DPYD: variants seen among roughly 807,000 people sequenced by gnomAD.
The protein encoded by DPYD is dihydropyrimidine dehydrogenase.
In DPYD, 109 loss-of-function variants were observed where a neutral mutation model predicts 116.2. The ratio of observed to expected loss-of-function variants is 0.94; its 90% CI spans 0.80 to 1.10. The LOEUF (loss-of-function observed/expected upper bound fraction) is 1.10. DPYD is among the 50% of genes least tolerant of loss of function. The pLI, the probability that DPYD is intolerant of heterozygous loss-of-function variation, is 0.00. For missense variants in DPYD, 1,302 were observed against 1,254.5 expected, an observed-to-expected ratio of 1.04 and a Z score of -0.57; for synonymous variants, 440 against 432.0, an observed-to-expected ratio of 1.02 and a Z score of -0.23.
At chr1:97,815,693 G>T (rs576626172) in intron 3 of DPYD, among the ~76,000 whole-genome samples, 1 of 152,286 alleles carries the variant, frequency 6.6e-6, no homozygotes, top group East Asian at 1.9e-4. Context: ...TTGAGGGTGA[G>T]GAGCAAAATG....
chr1:97,335,406 T>C (rs1389203026), intron 16 of DPYD, among the ~76,000 whole-genome samples: 2 of 151,798 alleles, frequency 1.3e-5, no homozygotes, highest in East Asian at 3.9e-4. Flanking sequence ...TGTAACTGTT[T>C]AAAAGAGCTT....
intron 5 of DPYD, among the ~76,000 whole-genome samples, chr1:97,712,393 A>G (rs1383239522): frequency 6.6e-6 from 1 of 151,992 alleles, no homozygotes; most frequent in African/African-American, 2.4e-5. Flanking sequence ...TTTACAGTCA[A>G]CTATTTTTTA....
chr1:97,529,005 T>G (rs529592262), intron 12 of DPYD, among the ~76,000 whole-genome samples: 50 of 152,298 alleles, frequency 3.3e-4, no homozygotes, highest in African/African-American at 1.1e-3. Context: ...CAAACTTACC[T>G]TATGCCAATC....
At chr1:97,279,803 T>C (rs1233523127) in intron 18 of DPYD, among the ~76,000 whole-genome samples, 1 of 152,030 alleles carries the variant, frequency 6.6e-6, no homozygotes, top group African/African-American at 2.4e-5. Context: ...AGACAGAAAT[T>C]TATTTTTATA....
intron 13 of DPYD, among the ~76,000 whole-genome samples, chr1:97,481,917 C>T (rs564196693): frequency 2.5e-4 from 38 of 152,258 alleles, no homozygotes; most frequent in Admixed American, 2.2e-3. Context: ...TAGACACACA[C>T]ATACAAACAT....
intron 12 of DPYD, among the ~76,000 whole-genome samples, chr1:97,521,701 C>T (rs1463516314): frequency 6.6e-6 from 1 of 152,040 alleles, no homozygotes; most frequent in Non-Finnish European, 1.5e-5. Context: ...GTACTGGTAC[C>T]AAAACAGAGA....
intron 19 of DPYD, among the ~76,000 whole-genome samples, chr1:97,204,794 G>A (rs916430738): frequency 3.3e-5 from 5 of 151,906 alleles, no homozygotes; most frequent in Admixed American, 3.3e-4. Flanking sequence ...TTAACATTCT[G>A]GTCTTTCAGA....
intron 18 of DPYD, among the ~76,000 whole-genome samples, chr1:97,290,739 C>G (rs12032746): frequency 0.95 from 144,349 of 151,460 alleles, 69,198 homozygotes; most frequent in East Asian, 1. Context: ...AACCCTAGAA[C>G]AAAACCTAGG....
intron 3 of DPYD, among the ~76,000 whole-genome samples, chr1:97,775,481 T>C (rs907562599): frequency 5.3e-5 from 8 of 152,172 alleles, no homozygotes; most frequent in Non-Finnish European, 8.8e-5. Context: ...AATAGTAAAC[T>C]AGGAAAATAA....
chr1:97,748,625 CA>C (rs1236119378), intron 3 of DPYD, among the ~76,000 whole-genome samples: 2 of 151,900 alleles, frequency 1.3e-5, no homozygotes, highest in Non-Finnish European at 2.9e-5. Flanking sequence ...ATAAATAAAA[CA>C]AAAGACTATA....
intron 12 of DPYD, among the ~76,000 whole-genome samples, chr1:97,527,762 T>A (rs1261881025): frequency 6.7e-6 from 1 of 148,440 alleles, no homozygotes; most frequent in African/African-American, 2.5e-5. Flanking sequence ...AGTGGCATTT[T>A]CTCCTGATTT....
At chr1:97,188,934 A>T (rs1433785811) in intron 20 of DPYD, among the ~76,000 whole-genome samples, 1 of 151,802 alleles carries the variant, frequency 6.6e-6, no homozygotes, top group Non-Finnish European at 1.5e-5. Flanking sequence ...ATTCACACAT[A>T]AAAAGGAACT....
chr1:97,175,854 G>C (rs1657216534), intron 20 of DPYD, among the ~76,000 whole-genome samples: 1 of 152,136 alleles, frequency 6.6e-6, no homozygotes, highest in African/African-American at 2.4e-5. Context: ...TTTAAATACA[G>C]TGCAAATCAA....
intron 11 of DPYD, 51 bp from the exon 12 acceptor site, chr1:97,549,795 C>A (rs769182083): frequency 6.8e-7 from 1 of 1,471,862 alleles, no homozygotes; most frequent in Non-Finnish European, 9.4e-7. Flanking sequence ...ACAGACAATT[C>A]CATAACAATA....
intron 20 of DPYD, among the ~76,000 whole-genome samples, chr1:97,133,805 C>T (rs1372727912): frequency 6.6e-6 from 1 of 151,092 alleles, no homozygotes; most frequent in African/African-American, 2.4e-5. Context: ...CGAGACCAGC[C>T]TGGCCAACAT....
intron 20 of DPYD, among the ~76,000 whole-genome samples, chr1:97,122,267 C>G (rs975184014): frequency 5.9e-5 from 9 of 151,964 alleles, no homozygotes; most frequent in Non-Finnish European, 8.8e-5. Context: ...TATTGGGTAA[C>G]CAGGAATAGC....
chr1:97,085,359 C>T (rs1045919627), intron 21 of DPYD, among the ~76,000 whole-genome samples: 3 of 152,182 alleles, frequency 2.0e-5, no homozygotes, highest in Non-Finnish European at 4.4e-5. Flanking sequence ...ATTCTGTGTA[C>T]ATTAAATATG....
intron 8 of DPYD, among the ~76,000 whole-genome samples, chr1:97,638,438 C>A (rs1657692418): frequency 6.6e-6 from 1 of 151,986 alleles, no homozygotes; most frequent in South Asian, 2.1e-4. Flanking sequence ...AAATTAATGG[C>A]CATCAACAAG....
At position 97,160,765 on chromosome 1, in the gene DPYD, T is replaced by C. The variant is rs569506956; in HGVS notation, c.2622+32304A>G. On this transcript the variant is annotated intron_variant, in intron 20 of 22. Coordinates refer to ENST00000370192, the MANE Select transcript of DPYD (RefSeq NM_000110.4). ...ACTTCATCCACAAGAGACTGTACTA[T>C]GACTGGGATTCCATAATGTGATATC... Among the ~76,000 whole-genome samples, 6 of 152,306 alleles carry C rather than the reference T, an allele frequency of 3.9e-5. No homozygotes were observed. In the East Asian group the frequency reaches 1.2e-3, roughly 29 times the overall value.
Sources: gnomAD v4.1 joint callset for allele counts (sites outside exome capture counted in the v4.1 genomes callset) on GRCh38, gnomAD v4.1.1 for gene constraint, MANE v1.5 for transcripts, NCBI Gene and HGNC (gene_info 2026-07-23, HGNC 2026-07-21) for gene names.